HRH2: variants seen among roughly 807,000 people sequenced by gnomAD.
HRH2 encodes the protein histamine receptor H2.
HRH2 carries 4 observed loss-of-function variants against 20.1 expected under a neutral mutation model. That is an observed-to-expected ratio of 0.20 (90% confidence interval 0.10 to 0.45). HRH2 has a LOEUF of 0.45. HRH2 is among the 20% of genes least tolerant of loss of function. The pLI is 0.99. For missense variants in HRH2, 250 were observed against 461.6 expected (o/e 0.54, Z 4.20); for synonymous variants, 197 against 200.7 (o/e 0.98, Z 0.16).
intron 1 of HRH2, among the ~76,000 whole-genome samples, chr5:175,665,990 C>T (rs910708785): frequency 1.3e-5 from 2 of 152,182 alleles, no homozygotes; most frequent in Non-Finnish European, 2.9e-5. Context: ...TTTTACTGAA[C>T]ATCCAGATTT....
At chr5:175,682,421 C>G (rs866568686) in intron 1 of HRH2, among the ~76,000 whole-genome samples, 49 of 152,322 alleles carry the variant, frequency 3.2e-4, no homozygotes, top group African/African-American at 1.2e-3. Context: ...TCTTGTGGAG[C>G]TGAAAGTCTG....
rs1756212815 is a variant in HRH2 at position 175,687,487 on chromosome 5, C to G, written c.1076+3178C>G. Among the ~76,000 whole-genome samples the G allele has an allele frequency of 6.6e-6, 1 of 152,162 alleles. No homozygotes were observed. The highest frequency in any genetic ancestry group is 1.5e-5 in the Non-Finnish European group (1 of 68,018). On this transcript the variant is annotated intron_variant, in intron 2 of 2. Transcript: ENST00000636584. The surrounding 1 kb of genome is among the most constrained non-coding windows in gnomAD (Gnocchi z 5.2). ...GACTCCAGAAGATAGAGTGGCCAAG[C>G]TGGCTGGTCCTCCCTTCCCTGTGGC...
At chr5:175,699,239 T>C (rs1756714083) in intron 2 of HRH2, among the ~76,000 whole-genome samples, 1 of 152,214 alleles carries the variant, frequency 6.6e-6, no homozygotes, top group Non-Finnish European at 1.5e-5. Flanking sequence ...GGTCTCCAGG[T>C]GACTTTCTGT....
chr5:175,702,104 AAGAG>A (rs774431199), intron 2 of HRH2, among the ~76,000 whole-genome samples: 1 of 152,172 alleles, frequency 6.6e-6, no homozygotes, highest in Non-Finnish European at 1.5e-5. Context: ...GGGGGCAAGT[AAGAG>A]AGAGAGGGGC....
rs17601467 is a variant in HRH2 at position 175,686,536 on chromosome 5, C to T, written c.1076+2227C>T. On this transcript the variant is annotated intron_variant, in intron 2 of 2. Coordinates refer to ENST00000636584, the MANE Select transcript of HRH2 (RefSeq NM_001367711.1). The surrounding 1 kb of genome is among the most constrained non-coding windows in gnomAD (Gnocchi z 4.7). ...AGCATCTTCCACCCTGTGCCACCCT[C>T]GGCCACCTGCAATTGCTCATGGTCT... Among the ~76,000 whole-genome samples the T allele has an allele frequency of 0.026, 4,016 of 152,282 alleles. 96 individuals carry two copies. Among genetic ancestry groups the T allele is most frequent in the East Asian group, 0.091 (473 of 5,170 alleles).
At chr5:175,685,276 A>C (rs1756131722) in intron 2 of HRH2, 33 of 710,948 alleles carry the variant, frequency 4.6e-5, no homozygotes, top group Non-Finnish European at 6.9e-5. Context: ...GCACCGAGGA[A>C]GCTCGCTGTG....
intron 1 of HRH2, among the ~76,000 whole-genome samples, chr5:175,668,391 G>A (rs568898262): frequency 1.3e-5 from 2 of 152,274 alleles, no homozygotes; most frequent in South Asian, 4.1e-4. Context: ...GACCCCCCCA[G>A]CTGTTGCTCG....
chr5:175,659,874 G>C (rs1403995275), intron 1 of HRH2, among the ~76,000 whole-genome samples: 2 of 152,184 alleles, frequency 1.3e-5, no homozygotes, highest in Admixed American at 1.3e-4. Context: ...TTCTCTAAGG[G>C]TCTGGAAGGA....
At chr5:175,684,434 C>T (rs1756096905) in intron 2 of HRH2, 125 bp downstream of exon 2, 3 of 1,345,790 alleles carry the variant, frequency 2.2e-6, no homozygotes, top group Admixed American at 2.3e-5. Context: ...TTCATGAGCA[C>T]TTTGTAAACA....
At position 175,706,550 on chromosome 5, in the gene HRH2, AG is replaced by A. The variant is rs149125184; in HGVS notation, c.1077-1228del. On this transcript the variant is annotated intron_variant, in intron 2 of 2. Transcript: ENST00000636584. ...AGTGCAATGAGAGTTGCCTTCTCAG[AG>A]CCACAGGCTGCATCTGGAATGTTAA... Among the ~76,000 whole-genome samples, 1,071 of 152,324 alleles carry A rather than the reference AG, an allele frequency of 7.0e-3. 14 individuals carry two copies. The highest frequency in any genetic ancestry group is 0.025 in the African/African-American group (1,021 of 41,578).
intron 1 of HRH2, among the ~76,000 whole-genome samples, chr5:175,664,695 C>T (rs10071728): frequency 0.1 from 15,577 of 152,028 alleles, 904 homozygotes; most frequent in Middle Eastern, 0.22. Context: ...AGTGCAGTGG[C>T]GAATTCACGG....
chr5:175,669,628 T>A (rs1755450822), intron 1 of HRH2, among the ~76,000 whole-genome samples: 1 of 152,244 alleles, frequency 6.6e-6, no homozygotes, highest in Admixed American at 6.5e-5. Context: ...CCTCCCGAAG[T>A]GCTGGGATTA....
At chr5:175,674,838 G>C (rs910781877) in intron 1 of HRH2, among the ~76,000 whole-genome samples, 84 of 152,320 alleles carry the variant, frequency 5.5e-4, no homozygotes, top group African/African-American at 2.0e-3. Flanking sequence ...CCTGCCTATG[G>C]GCTTTGACCA....
At position 175,670,275 on chromosome 5, in the gene HRH2, T is replaced by A. The variant is rs12054893; in HGVS notation, c.-526+12120T>A. 1.8e-4 allele frequency among the ~76,000 whole-genome samples: 24 copies of A among 136,760 alleles called. No individual in the cohort carries two copies. In the South Asian group the frequency reaches 2.5e-3, roughly 14 times the overall value. The allele number at this position is 136,760 out of a possible 152,430, so 89.7% of individuals were successfully genotyped here. ...TAGTGAGACCCTGCCTCAAAGAAAA[T>A]TTTTTTTTTAAAGTAACTGGAAATC... On this transcript the variant is annotated intron_variant, in intron 1 of 2. Coordinates refer to ENST00000636584, the MANE Select transcript of HRH2 (RefSeq NM_001367711.1).
intron 1 of HRH2, among the ~76,000 whole-genome samples, chr5:175,663,457 T>C (rs1471385114): frequency 6.6e-6 from 1 of 152,260 alleles, no homozygotes; most frequent in Non-Finnish European, 1.5e-5. Context: ...TGTATCTTCT[T>C]TGGAGAACTG....
intron 2 of HRH2, among the ~76,000 whole-genome samples, chr5:175,702,857 G>A (rs1371157426): frequency 6.6e-6 from 1 of 151,428 alleles, no homozygotes; most frequent in African/African-American, 2.4e-5. Flanking sequence ...GTGAGCCACT[G>A]TGCCCAACCA....
Position 175,693,507 on chromosome 5 carries a change from T to C in HRH2, c.1076+9198T>C, listed in dbSNP as rs1035817923. On this transcript the variant is annotated intron_variant, in intron 2 of 2. Coordinates refer to ENST00000636584, the MANE Select transcript of HRH2 (RefSeq NM_001367711.1). The surrounding 1 kb of genome is among the most constrained non-coding windows in gnomAD (Gnocchi z 4.4). Reference sequence around the variant, plus strand: ...TCCATGGAGGACACTCAGTCCCTCCTCACGTGAGGACTGACCACATCCCTT... The same window carrying C: ...TCCATGGAGGACACTCAGTCCCTCCCCACGTGAGGACTGACCACATCCCTT... 1.3e-5 allele frequency among the ~76,000 whole-genome samples: 2 copies of C among 152,194 alleles called. No individual in the cohort carries two copies. The highest frequency in any genetic ancestry group is 2.9e-5 in the Non-Finnish European group (2 of 68,028).
In HRH2 at chr5:175,683,900, A is replaced by C; in HGVS notation, c.667A>C (p.Lys223Gln). ...GAGGATCAATCACATTAGCTCCTGGAAGGCAGCCACCATCAGGGAGCACAA... is the reference window on the plus strand; with the variant it reads ...GAGGATCAATCACATTAGCTCCTGGCAGGCAGCCACCATCAGGGAGCACAA... Reference protein sequence around the residue: ...AKRINHISSWKAATIREHKAT... With the variant: ...AKRINHISSWQAATIREHKAT... Residue 223 changes from lysine (K) to glutamine (Q), a missense_variant, in exon 2 of 3, where the codon AAG becomes CAG. Around this residue, in one of 5 missense-constraint regions of HRH2, gnomAD observed 58 missense variants for 166.8 expected, o/e 0.35. Coordinates refer to ENST00000636584, the MANE Select transcript of HRH2 (RefSeq NM_001367711.1). The C allele has an allele frequency of 6.2e-7, 1 of 1,614,134 alleles. No individual in the cohort carries two copies.
intron 2 of HRH2, among the ~76,000 whole-genome samples, chr5:175,689,951 A>G (rs911871489): frequency 1.3e-5 from 2 of 152,288 alleles, no homozygotes; most frequent in Non-Finnish European, 2.9e-5. Flanking sequence ...TCCAAATCCA[A>G]TCTCAGAAGA....
Sources: gnomAD v4.1 joint callset for allele counts (sites outside exome capture counted in the v4.1 genomes callset) on GRCh38, gnomAD v4.1.1 for gene constraint, gnomAD v4.1.1 regional missense constraint, Gnocchi (gnomAD v3.1) non-coding constraint, MANE v1.5 for transcripts, NCBI Gene and HGNC (gene_info 2026-07-23, HGNC 2026-07-21) for gene names.